DCT: variants seen among roughly 807,000 people sequenced by gnomAD.
DCT encodes the protein L-dopachrome tautomerase.
In DCT, 47 loss-of-function variants were observed where a neutral mutation model predicts 53.0. The observed-to-expected ratio is 0.89, with a 90% CI of 0.70 to 1.13. The LOEUF (loss-of-function observed/expected upper bound fraction) is 1.13. DCT is among the 50% of genes most tolerant of loss of function. The probability of loss-of-function intolerance (pLI) is 0.00; values close to 1 mark genes in which losing one functional copy is unlikely to be tolerated. For synonymous variants in DCT, 244 were observed against 237.0 expected (o/e 1.03, Z -0.27); for missense variants, 669 against 637.4 (o/e 1.05, Z -0.53).
Position 94,437,527 on chromosome 13 carries a change from C to A in DCT, c.*2371G>T, listed in dbSNP as rs1234767714. ...AATGTTAGCTTTATAAAAAGCATTT[C>A]TATTAAAATCATACATGCAGTTTTT... On this transcript the variant is annotated 3_prime_UTR_variant, in exon 8 of 8. Coordinates refer to ENST00000377028, the MANE Select transcript of DCT (RefSeq NM_001922.5). 1.3e-5 allele frequency: 2 copies of A among 152,132 alleles called. No individual in the cohort carries two copies. The highest frequency in any genetic ancestry group is 2.9e-5 in the Non-Finnish European group (2 of 68,004). The allele number at this position is 152,132 out of a possible 1,614,324, so 9.4% of individuals were successfully genotyped here.
At chr13:94,461,640 T>C (rs930564377) in intron 5 of DCT, among the ~76,000 whole-genome samples, 6 of 152,208 alleles carry the variant, frequency 3.9e-5, no homozygotes, top group African/African-American at 1.2e-4. Flanking sequence ...CTATGGCTGA[T>C]AAATTTCTAA....
chr13:94,501,216 C>T, the DCT span, among the ~76,000 whole-genome samples: 20 of 152,150 alleles, frequency 1.3e-4, no homozygotes, highest in East Asian at 7.7e-4. Flanking sequence ...TTGCAGTGAA[C>T]GGAGATCGCA....
At chr13:94,445,152 G>GCCACA (rs1199125566) in intron 6 of DCT, among the ~76,000 whole-genome samples, 1 of 152,202 alleles carries the variant, frequency 6.6e-6, no homozygotes, top group Non-Finnish European at 1.5e-5. Flanking sequence ...TCCAAAGAAG[G>GCCACA]CCACACAATG....
At chr13:94,460,393 C>A (rs1178503103) in intron 5 of DCT, among the ~76,000 whole-genome samples, 167 bp from the exon 6 acceptor site, 2 of 152,128 alleles carry the variant, frequency 1.3e-5, no homozygotes, top group African/African-American at 4.8e-5. Context: ...TAATGATAAT[C>A]CTCTGTAAGG....
intron 6 of DCT, among the ~76,000 whole-genome samples, chr13:94,446,202 T>A (rs893123950): frequency 6.6e-6 from 1 of 152,176 alleles, no homozygotes; most frequent in African/African-American, 2.4e-5. Context: ...AACATGGCAC[T>A]GAGAAGGTAG....
rs1566854927 is a variant in DCT, at chr13:94,472,543, TATATATATATATATATATA to T, written c.296-3517_296-3499del. On this transcript the variant is annotated intron_variant, in intron 1 of 7. Coordinates refer to ENST00000377028, the MANE Select transcript of DCT (RefSeq NM_001922.5). ...ATACATATATATATATATATATATA[TATATATATATATATATATA>T]TATATATTTTTTTTTTTTTTTTTTT... Among the ~76,000 whole-genome samples, 13 of 34,692 alleles carry T rather than the reference TATATATATATATATATATA, an allele frequency of 3.7e-4. 2 individuals are homozygous for T. The highest frequency in any genetic ancestry group is 1.7e-3 in the African/African-American group (12 of 7,040). 22.8% of individuals were successfully genotyped at this position (34,692 alleles called of 152,430 possible).
the DCT span, among the ~76,000 whole-genome samples, chr13:94,520,220 C>A: frequency 6.6e-6 from 1 of 152,146 alleles, no homozygotes; most frequent in African/African-American, 2.4e-5. Flanking sequence ...AAAAGACAAC[C>A]CTTTGTTCTC....
chr13:94,534,133 T>C, the DCT span, among the ~76,000 whole-genome samples: 1 of 151,184 alleles, frequency 6.6e-6, no homozygotes, highest in Admixed American at 6.6e-5. Context: ...ATTTTATTCA[T>C]AGGTATATAA....
the DCT span, among the ~76,000 whole-genome samples, chr13:94,545,789 T>C: frequency 3.3e-4 from 50 of 152,194 alleles, no homozygotes; most frequent in Non-Finnish European, 6.5e-4. Flanking sequence ...GTGTATTTTT[T>C]TAATGCTGCC....
At chr13:94,503,761 G>A in the DCT span, among the ~76,000 whole-genome samples, 11,306 of 152,210 alleles carry the variant, frequency 0.074, 879 homozygotes, top group African/African-American at 0.2. Context: ...AACGGTGAGA[G>A]AATAAATTAC....
the DCT span, among the ~76,000 whole-genome samples, chr13:94,522,764 T>C: frequency 1.3e-5 from 2 of 152,218 alleles, no homozygotes; most frequent in African/African-American, 4.8e-5. Flanking sequence ...GATGTCATTT[T>C]ACACTTTAGA....
the DCT span, among the ~76,000 whole-genome samples, chr13:94,542,916 T>A: frequency 3.3e-5 from 5 of 152,112 alleles, no homozygotes; most frequent in African/African-American, 9.7e-5. Flanking sequence ...CTGTTCACGG[T>A]GGGAAAACAG....
the DCT span, among the ~76,000 whole-genome samples, chr13:94,503,369 C>G: frequency 6.9e-6 from 1 of 145,148 alleles, no homozygotes; most frequent in Non-Finnish European, 1.5e-5. Context: ...GACAGAGACC[C>G]CATTTCAAAA....
At chr13:94,542,633 G>A in the DCT span, among the ~76,000 whole-genome samples, 1 of 152,146 alleles carries the variant, frequency 6.6e-6, no homozygotes, top group Non-Finnish European at 1.5e-5. Flanking sequence ...CCATTTGCCT[G>A]GGGCTCAATC....
the DCT span, among the ~76,000 whole-genome samples, chr13:94,524,400 A>G: frequency 1.2e-4 from 19 of 152,330 alleles, no homozygotes; most frequent in African/African-American, 4.3e-4. Flanking sequence ...AGGACAGCCT[A>G]TGACCATCGC....
chr13:94,481,797 C>T (rs765938190), upstream of DCT, among the ~76,000 whole-genome samples: 1 of 152,180 alleles, frequency 6.6e-6, no homozygotes, highest in East Asian at 1.9e-4. Flanking sequence ...TTTGCTCTCT[C>T]CTCCCAAATG....
the DCT span, among the ~76,000 whole-genome samples, chr13:94,503,395 AG>A: frequency 7.3e-6 from 1 of 136,558 alleles, no homozygotes; most frequent in Non-Finnish European, 1.6e-5. Context: ...AGGGAAGGGA[AG>A]GAGAGGAGAG....
chr13:94,512,162 C>T, the DCT span, among the ~76,000 whole-genome samples: 5 of 152,098 alleles, frequency 3.3e-5, no homozygotes, highest in African/African-American at 4.8e-5. Flanking sequence ...ACAACAGCAA[C>T]GATAATAACA....
chr13:94,466,527 T>C, intron 3 of DCT, 31 bp downstream of exon 3: 1 of 1,456,162 alleles, frequency 6.9e-7, no homozygotes, highest in Non-Finnish European at 9.4e-7. Context: ...TTTAAAAAAT[T>C]AAAAGAACTA....
Sources: gnomAD v4.1 joint callset for allele counts (sites outside exome capture counted in the v4.1 genomes callset) on GRCh38, gnomAD v4.1.1 for gene constraint, MANE v1.5 for transcripts, NCBI Gene and HGNC (gene_info 2026-07-23, HGNC 2026-07-21) for gene names.